The following DMD variants were observed in gnomAD, a reference collection of about 807,000 sequenced individuals.
The protein encoded by DMD is mutant dystrophin.
A neutral mutation model predicts 330.1 loss-of-function variants in DMD; 63 were observed. The ratio of observed to expected loss-of-function variants is 0.19; its 90% CI spans 0.16 to 0.24. The LOEUF (loss-of-function observed/expected upper bound fraction) is 0.24, where lower values mean the gene tolerates loss of function less well. Among genes scored for constraint, DMD ranks in the 10% least tolerant of loss-of-function variants. DMD has a pLI of 1.00. For synonymous variants in DMD, 1,223 were observed against 959.8 expected, an observed-to-expected ratio of 1.27 and a Z score of -5.07; for missense variants, 3,344 against 2,684.1, an observed-to-expected ratio of 1.25 and a Z score of -5.43.
At chrX:33,103,514 G>T (rs1333187706) in intron 1 of DMD, among the ~76,000 whole-genome samples, 1 of 110,635 alleles carries the variant, frequency 9.0e-6, no homozygotes, top group Non-Finnish European at 1.9e-5. Context: ...CCCCCACTGA[G>T]CACCTTGTGA....
intron 51 of DMD, among the ~76,000 whole-genome samples, chrX:31,772,442 A>C (rs2090396507): frequency 8.9e-6 from 1 of 112,085 alleles, no homozygotes; most frequent in African/African-American, 3.2e-5. Flanking sequence ...AGTATTATAT[A>C]ACTCAATATG....
intron 60 of DMD, among the ~76,000 whole-genome samples, chrX:31,352,245 G>A (rs1007930363): frequency 9.3e-6 from 1 of 107,499 alleles, no homozygotes; most frequent in Admixed American, 9.8e-5. Flanking sequence ...GTGGGAAAAC[G>A]CGTGCAAATA....
intron 9 of DMD, among the ~76,000 whole-genome samples, chrX:32,668,068 G>C (rs999823718): frequency 3.6e-5 from 4 of 110,537 alleles, no homozygotes; most frequent in Middle Eastern, 4.2e-3. Flanking sequence ...AGAATCGCTT[G>C]AGCCCAGGAG....
intron 1 of DMD, among the ~76,000 whole-genome samples, chrX:33,160,525 A>G (rs1295215399): frequency 8.9e-6 from 1 of 112,427 alleles, no homozygotes; most frequent in Non-Finnish European, 1.9e-5. Flanking sequence ...GCACAATGGT[A>G]CATGGAACCC....
intron 15 of DMD, among the ~76,000 whole-genome samples, chrX:32,569,513 A>G (rs1299227242): frequency 8.9e-6 from 1 of 111,807 alleles, no homozygotes; most frequent in Non-Finnish European, 1.9e-5. Context: ...AGAGTTTCTA[A>G]ATCAGTAGGT....
chrX:32,975,159 C>T (rs1440051253), intron 2 of DMD, among the ~76,000 whole-genome samples: 1 of 109,720 alleles, frequency 9.1e-6, no homozygotes, highest in Non-Finnish European at 1.9e-5. Flanking sequence ...TTCCTGATTA[C>T]ATCCAGTGGC....
intron 62 of DMD, among the ~76,000 whole-genome samples, chrX:31,314,742 C>CAGAGAG (rs199994602): frequency 0.017 from 962 of 55,181 alleles, 12 homozygotes; most frequent in Non-Finnish European, 0.019. Context: ...AATACATACA[C>CAGAGAG]AGAGAGAGAG....
At chrX:31,315,078 C>G (rs1248676264) in intron 62 of DMD, among the ~76,000 whole-genome samples, 1 of 111,962 alleles carries the variant, frequency 8.9e-6, no homozygotes, top group South Asian at 3.7e-4. Flanking sequence ...CCCAGGGGAA[C>G]AGAATAAGAA....
intron 29 of DMD, among the ~76,000 whole-genome samples, chrX:32,422,176 T>C (rs2098192737): frequency 9.0e-6 from 1 of 111,522 alleles, no homozygotes; most frequent in Non-Finnish European, 1.9e-5. Flanking sequence ...ACAGTGGGAA[T>C]GAACCTGACA....
At chrX:32,363,536 TG>T (rs1233363136) in intron 36 of DMD, among the ~76,000 whole-genome samples, 2 of 111,840 alleles carry the variant, frequency 1.8e-5, no homozygotes. Context: ...TCACAGAGGT[TG>T]AAGTTAAATA....
chrX:32,663,455 G>A (rs1295399277), intron 9 of DMD, among the ~76,000 whole-genome samples: 1 of 111,590 alleles, frequency 9.0e-6, no homozygotes, highest in Admixed American at 9.6e-5. Context: ...TTACAGACTT[G>A]CCAGGTAGAA....
chrX:31,286,761 T>C (rs1477884494), intron 62 of DMD, among the ~76,000 whole-genome samples: 2 of 112,382 alleles, frequency 1.8e-5, no homozygotes, highest in Non-Finnish European at 3.8e-5. Flanking sequence ...ACGTTTTTTC[T>C]TTCTTTTTTT....
At chrX:33,118,172 G>A (rs1346500541) in intron 1 of DMD, among the ~76,000 whole-genome samples, 1 of 102,874 alleles carries the variant, frequency 9.7e-6, no homozygotes. Flanking sequence ...GTGCAGTGGC[G>A]CGATCTCGGC....
At chrX:32,421,839 T>C (rs1207851913) in intron 29 of DMD, among the ~76,000 whole-genome samples, 2 of 111,730 alleles carry the variant, frequency 1.8e-5, no homozygotes, top group Non-Finnish European at 3.8e-5. Flanking sequence ...AAGATTAAGA[T>C]GTGGACAATG....
chrX:32,397,242 G>C lies in DMD; in HGVS notation c.4234-7061C>G, dbSNP rs143267188. On this transcript the variant is annotated intron_variant, in intron 30 of 78. Coordinates refer to ENST00000357033, the MANE Select transcript of DMD (RefSeq NM_004006.3). ...TATTTTCACCTAATATATACATCTA[G>C]GGGGATATGGATAGTAAGCATTTGA... is the stretch of plus-strand genomic sequence containing the variant. Among the ~76,000 whole-genome samples, 551 of 111,387 alleles carry C rather than the reference G, an allele frequency of 4.9e-3. 4 individuals are homozygous for C. The highest frequency in any genetic ancestry group is 0.017 in the African/African-American group (536 of 30,781).
At chrX:32,337,345 A>C (rs775316077) in intron 41 of DMD, among the ~76,000 whole-genome samples, 1 of 108,627 alleles carries the variant, frequency 9.2e-6, no homozygotes, top group East Asian at 2.9e-4. Context: ...TCACTTGGCT[A>C]TTGTATGTTT....
At chrX:33,192,359 T>C (rs1408249856) in intron 1 of DMD, among the ~76,000 whole-genome samples, 1 of 112,291 alleles carries the variant, frequency 8.9e-6, no homozygotes, top group African/African-American at 3.2e-5. Context: ...ATGTTAGTAA[T>C]TGCAGTCAAT....
chrX:33,312,388 C>A (rs183641287), intron 1 of DMD, among the ~76,000 whole-genome samples: 10 of 111,290 alleles, frequency 9.0e-5, no homozygotes, highest in African/African-American at 3.3e-4. Context: ...ACCAATACCA[C>A]GTGCATGCTG....
At chrX:32,975,214 C>T (rs1454212947) in intron 2 of DMD, among the ~76,000 whole-genome samples, 1 of 110,250 alleles carries the variant, frequency 9.1e-6, no homozygotes, top group African/African-American at 3.3e-5. Context: ...TCCAATAAAC[C>T]CAGCAAAGAA....
Sources: allele counts gnomAD v4.1 joint callset (sites outside exome capture counted in the v4.1 genomes callset), GRCh38; gene constraint gnomAD v4.1.1; transcripts MANE v1.5; gene names NCBI Gene and HGNC (gene_info 2026-07-23, HGNC 2026-07-21).